Variants in SYT13 observed in about 807,000 individuals in gnomAD.
The protein encoded by SYT13 is synaptotagmin 13.
Under a neutral mutation model 38.6 loss-of-function variants are expected in SYT13, and 21 were observed. The observed-to-expected ratio is 0.54, with a 90% CI of 0.39 to 0.78. The LOEUF (loss-of-function observed/expected upper bound fraction) is 0.78. SYT13 is among the 30% of genes least tolerant of loss of function. SYT13 has a pLI of 0.00. For missense variants in SYT13, 495 were observed against 548.7 expected (o/e 0.90, Z 0.98); for synonymous variants, 241 against 237.6 (o/e 1.01, Z -0.13).
In SYT13 at chr11:45,244,360, G is replaced by T. The variant is rs749489049; in HGVS notation, c.977-4C>A. The T allele has an allele frequency of 2.5e-6, 4 of 1,610,296 alleles. No individual in the cohort carries two copies. Among genetic ancestry groups the T allele is most frequent in the Middle Eastern group, 1.7e-4 (1 of 5,764 alleles). ...AAGGTCACCTTGACAGAGACATCTG[G>T]GGAGGGGCAGAGGGGAAAAAGAGAC... On this transcript the variant is annotated splice_polypyrimidine_tract_variant and splice_region_variant and intron_variant, in intron 5 of 5. Transcript: ENST00000020926.
chr11:45,258,015 G>T (rs910843451), intron 1 of SYT13, among the ~76,000 whole-genome samples: 1 of 152,222 alleles, frequency 6.6e-6, no homozygotes, highest in Admixed American at 6.5e-5. Flanking sequence ...GGTAACCCAA[G>T]CGAGGACCTG....
rs1181665113 is a variant in SYT13, at chr11:45,252,245, C to T, written c.846+176G>A. 1.3e-5 allele frequency among the ~76,000 whole-genome samples: 2 copies of T among 152,222 alleles called. No individual in the cohort carries two copies. Among genetic ancestry groups the T allele is most frequent in the African/African-American group, 4.8e-5 (2 of 41,458 alleles). On this transcript the variant is annotated intron_variant, in intron 4 of 5. Transcript: ENST00000020926. The surrounding 1 kb of genome is among the most constrained non-coding windows in gnomAD (Gnocchi z 4.3). ...GACACTAGGAATCCCAGATCCTGGG[C>T]TATGGGTCTCCTCTAGCCCTCTGCC... is the stretch of plus-strand genomic sequence containing the variant.
At chr11:45,284,858 A>G (rs565167339) in intron 1 of SYT13, among the ~76,000 whole-genome samples, 2 of 152,354 alleles carry the variant, frequency 1.3e-5, no homozygotes, top group African/African-American at 4.8e-5. Flanking sequence ...GCTCCTATTT[A>G]GCCACTGTCA....
At position 45,255,655 on chromosome 11, in the gene SYT13, G is replaced by A. The variant is rs1462153913; in HGVS notation, c.409+11C>T. Reference sequence around the variant, plus strand: ...CTGCCCATGGAAGTGCAGGGGGCAGGAGACCCCTACCATTCTGAGGGAGGA... The same window carrying A: ...CTGCCCATGGAAGTGCAGGGGGCAGAAGACCCCTACCATTCTGAGGGAGGA... On this transcript the variant is annotated intron_variant, in intron 2 of 5. Coordinates refer to ENST00000020926, the MANE Select transcript of SYT13 (RefSeq NM_020826.3). 10 of 1,611,736 alleles carry A rather than the reference G, an allele frequency of 6.2e-6. No individual in the cohort carries two copies. Among genetic ancestry groups the A allele is most frequent in the Non-Finnish European group, 7.6e-6 (9 of 1,178,514 alleles).
At position 45,244,094 on chromosome 11, in the gene SYT13, GT is replaced by G; in HGVS notation, c.1238del (p.Asn413ThrfsTer48). The G allele has an allele frequency of 6.2e-7, 1 of 1,610,536 alleles. No homozygotes were observed. On this transcript the variant is annotated frameshift_variant, in exon 6 of 6. Coordinates refer to ENST00000020926, the MANE Select transcript of SYT13 (RefSeq NM_020826.3). LOFTEE classifies it high-confidence loss of function. The part of the protein sequence containing the change: ...ERSHWEEMLK[N>X]PRRQIAMWHQ... The stretch of plus-strand genomic sequence containing the variant: ...GCCACATGGCAATCTGCCGGCGAGG[GT>G]TTTTGAGCATCTCCTCCCAGTGGCT...
At chr11:45,262,718 C>T (rs1854832508) in intron 1 of SYT13, among the ~76,000 whole-genome samples, 1 of 122,962 alleles carries the variant, frequency 8.1e-6, no homozygotes, top group African/African-American at 3.4e-5. Context: ...GAGGGAGATC[C>T]TATCACACAC....
chr11:45,256,813 C>T (rs919328279), intron 1 of SYT13, among the ~76,000 whole-genome samples: 9 of 152,164 alleles, frequency 5.9e-5, no homozygotes, highest in African/African-American at 1.4e-4. Flanking sequence ...CAGTCCCCAT[C>T]GGAAATATTT....
chr11:45,247,083 G>A (rs1854622814), intron 4 of SYT13, among the ~76,000 whole-genome samples: 1 of 152,226 alleles, frequency 6.6e-6, no homozygotes, highest in Non-Finnish European at 1.5e-5. Flanking sequence ...AGAGGCAACT[G>A]GCAATAACCA....
intron 1 of SYT13, among the ~76,000 whole-genome samples, chr11:45,261,387 C>T (rs554442465): frequency 8.9e-4 from 135 of 151,686 alleles, no homozygotes; most frequent in African/African-American, 3.2e-3. Flanking sequence ...GTCAGGAGAT[C>T]GAGACCATCC....
At position 45,260,500 on chromosome 11, in the gene SYT13, T is replaced by A. The variant is rs369900348; in HGVS notation, c.184-4609A>T. 2.9e-4 allele frequency among the ~76,000 whole-genome samples: 44 copies of A among 152,250 alleles called. No individual in the cohort carries two copies. In the East Asian group the frequency reaches 4.6e-3, roughly 16 times the overall value. On this transcript the variant is annotated intron_variant, in intron 1 of 5. Coordinates refer to ENST00000020926, the MANE Select transcript of SYT13 (RefSeq NM_020826.3). Reference sequence around the variant, plus strand: ...AAGAATGTCTGGGGGAAGGAGGTGCTCAGGGTAGCAGGGCCCTAGAGAGAG... The same window carrying A: ...AAGAATGTCTGGGGGAAGGAGGTGCACAGGGTAGCAGGGCCCTAGAGAGAG...
chr11:45,254,634 A>AT, intron 2 of SYT13: 3 of 445,718 alleles, frequency 6.7e-6, no homozygotes, highest in Non-Finnish European at 7.8e-6. Flanking sequence ...CAAAACAGAG[A>AT]CTACACAACA....
chr11:45,255,488 C>A (rs1854733087), intron 2 of SYT13, among the ~76,000 whole-genome samples, 178 bp downstream of exon 2: 2 of 152,160 alleles, frequency 1.3e-5, no homozygotes, highest in Admixed American at 1.3e-4. Flanking sequence ...AGTGGTATGG[C>A]AACATGTTGT....
intron 4 of SYT13, among the ~76,000 whole-genome samples, chr11:45,249,018 A>G (rs1331860330): frequency 6.6e-6 from 1 of 152,090 alleles, no homozygotes; most frequent in Non-Finnish European, 1.5e-5. Context: ...GGAGGCTAAT[A>G]TCCAGAATCT....
rs1854535795 is a variant in SYT13 at position 45,240,328 on chromosome 11, C to T, written c.*3724G>A. 1 of 152,662 alleles carries T rather than the reference C, an allele frequency of 6.6e-6. No homozygotes were observed. Among genetic ancestry groups the T allele is most frequent in the Non-Finnish European group, 1.5e-5 (1 of 68,048 alleles). The allele number at this position is 152,662 out of a possible 1,614,324, so 9.5% of individuals were successfully genotyped here. ...CCTGTTGGAAATTTTTTATTTACCA[C>T]TGCAAGGTTTTTGCTCCAAAGTGTC... is the stretch of plus-strand genomic sequence containing the variant. On this transcript the variant is annotated 3_prime_UTR_variant, in exon 6 of 6. Transcript: ENST00000020926.
chr11:45,242,843 T>C lies in SYT13; in HGVS notation c.*1209A>G, dbSNP rs940485034. On this transcript the variant is annotated 3_prime_UTR_variant, in exon 6 of 6. Transcript: ENST00000020926. ...CTCATAATTTAGATTTAATTAACAATGTGGACATCTGTTTAGAATAACAAG... is the reference window on the plus strand; with the variant it reads ...CTCATAATTTAGATTTAATTAACAACGTGGACATCTGTTTAGAATAACAAG... The C allele has an allele frequency of 2.6e-5, 4 of 152,258 alleles. No homozygotes were observed. The South Asian group carries it at 8.3e-4, about 32-fold the overall frequency. 9.4% of individuals were successfully genotyped at this position (152,258 alleles called of 1,614,324 possible). A position where few individuals can be genotyped will look rare whatever the true frequency, so the allele number is the denominator to read the frequency against.
intron 3 of SYT13, 22 bp downstream of exon 3, chr11:45,254,248 G>T: frequency 6.3e-7 from 1 of 1,595,488 alleles, no homozygotes; most frequent in South Asian, 1.1e-5. Flanking sequence ...AGAAGCCCAC[G>T]AGAGTCAAAT....
intron 1 of SYT13, among the ~76,000 whole-genome samples, chr11:45,257,471 G>T: frequency 6.6e-6 from 1 of 152,136 alleles, no homozygotes; most frequent in Non-Finnish European, 1.5e-5. Context: ...CATCTCCATG[G>T]CTGAAGCGAG....
At chr11:45,277,659 A>G (rs1855025596) in intron 1 of SYT13, among the ~76,000 whole-genome samples, 1 of 151,494 alleles carries the variant, frequency 6.6e-6, no homozygotes, top group Admixed American at 6.6e-5. Flanking sequence ...GGACCTTTGC[A>G]CAGGCTCATT....
intron 1 of SYT13, among the ~76,000 whole-genome samples, chr11:45,280,642 G>A (rs547658853): frequency 7.9e-5 from 12 of 152,260 alleles, no homozygotes; most frequent in Non-Finnish European, 1.5e-4. Context: ...TCTCCTACCC[G>A]CTGCAGTCAT....
Sources: gnomAD v4.1 joint callset for allele counts (sites outside exome capture counted in the v4.1 genomes callset) on GRCh38, gnomAD v4.1.1 for gene constraint, Gnocchi (gnomAD v3.1) non-coding constraint, MANE v1.5 for transcripts, NCBI Gene and HGNC (gene_info 2026-07-23, HGNC 2026-07-21) for gene names.